PNCK: variants seen among roughly 807,000 people sequenced by gnomAD.
PNCK encodes pregnancy up-regulated nonubiquitous CaM kinase.
Under a neutral mutation model 28.3 loss-of-function variants are expected in PNCK, and 21 were observed. The ratio of observed to expected loss-of-function variants is 0.74; its 90% CI spans 0.53 to 1.07. The LOEUF is 1.07. Among genes scored for constraint, PNCK ranks in the 50% least tolerant of loss-of-function variants. PNCK has a pLI of 0.00. For missense variants in PNCK, 250 were observed against 298.3 expected, an observed-to-expected ratio of 0.84 and a Z score of 1.19; for synonymous variants, 136 against 125.2, an observed-to-expected ratio of 1.09 and a Z score of -0.58.
chrX:153,678,776 C>T (rs782244889), upstream of PNCK, among the ~76,000 whole-genome samples: 2 of 110,528 alleles, frequency 1.8e-5, no homozygotes, highest in South Asian at 3.9e-4. Context: ...CCCTGTGCTG[C>T]GCCTACCAAG....
Position 153,670,458 on chromosome X carries a change from C to T in PNCK, c.1031G>A (p.Ter344=), listed in dbSNP as rs1557039237. The change falls in exon 11 of 12, where the codon TGA becomes TAA. Residue 344 remains the stop codon, a stop_retained_variant. Coordinates refer to ENST00000340888, the MANE Select transcript of PNCK (RefSeq NM_001366977.1). ...GGTCCACCCAAACACACCTGGGCAT[C>T]ACCACTTGGGGGGCTGGCCAGCACG... ...GLRAGQPPKW[*] 8.3e-7 allele frequency: 1 copy of T among 1,211,663 alleles called. No homozygotes were observed. The highest frequency in any genetic ancestry group is 1.8e-5 in the South Asian group (1 of 56,978).
chrX:153,679,576 T>C (rs1251302576), upstream of PNCK, among the ~76,000 whole-genome samples: 1 of 93,151 alleles, frequency 1.1e-5, no homozygotes, highest in African/African-American at 4.0e-5. Flanking sequence ...CTTTTTTTTT[T>C]TTTTTTTTTT....
chrX:153,673,792 C>T lies in PNCK; in HGVS notation c.-15G>A. The T allele has an allele frequency of 1.3e-6, 1 of 750,082 alleles. No homozygotes were observed. The highest frequency in any genetic ancestry group is 2.3e-5 in the African/African-American group (1 of 43,504). The allele number at this position is 750,082 out of a possible 1,213,427, so 61.8% of individuals were successfully genotyped here. On this transcript the variant is annotated 5_prime_UTR_variant, in exon 1 of 12. Coordinates refer to ENST00000340888, the MANE Select transcript of PNCK (RefSeq NM_001366977.1). ...AGCAGGTGCAGACCTGGAGCGGGTGCCGCAGCGTCGTGCCGCGCAGTGGCC... is the reference window on the plus strand; with the variant it reads ...AGCAGGTGCAGACCTGGAGCGGGTGTCGCAGCGTCGTGCCGCGCAGTGGCC...
Position 153,669,757 on chromosome X carries a change from T to C in PNCK, c.*381A>G. ...ATTGCTGTATCTTTCTTTATTGGTT[T>C]GGGGAAAACTGGAGGGGGCTGGAAG... is the stretch of plus-strand genomic sequence containing the variant. On this transcript the variant is annotated 3_prime_UTR_variant, in exon 12 of 12. Coordinates refer to ENST00000340888, the MANE Select transcript of PNCK (RefSeq NM_001366977.1). 2.9e-6 allele frequency: 1 copy of C among 342,022 alleles called. No homozygotes were observed. Among genetic ancestry groups the C allele is most frequent in the East Asian group, 9.7e-5 (1 of 10,303 alleles). 28.2% of individuals were successfully genotyped at this position (342,022 alleles called of 1,213,427 possible).
chrX:153,685,482 C>T (rs781890468), intron 1 of PNCK, among the ~76,000 whole-genome samples: 2 of 111,825 alleles, frequency 1.8e-5, no homozygotes, highest in East Asian at 5.7e-4. Context: ...AGGCCCAGCT[C>T]GCCCTGGCTG....
At position 153,669,792 on chromosome X, in the gene PNCK, A is replaced by G. The variant is rs1223143679; in HGVS notation, c.*346T>C. The G allele has an allele frequency of 1.2e-5, 4 of 341,485 alleles. No homozygotes were observed. The highest frequency in any genetic ancestry group is 2.6e-5 in the African/African-American group (1 of 37,917). The allele number at this position is 341,485 out of a possible 1,213,427, so 28.1% of individuals were successfully genotyped here. The stretch of plus-strand genomic sequence containing the variant: ...TGGAGGGGGCTGGAAGGCCATGACC[A>G]TGACACAAGCAGGACCACCCACACT... On this transcript the variant is annotated 3_prime_UTR_variant, in exon 12 of 12. Coordinates refer to ENST00000340888, the MANE Select transcript of PNCK (RefSeq NM_001366977.1).
intron 1 of PNCK, among the ~76,000 whole-genome samples, chrX:153,683,453 T>G: frequency 1.4e-5 from 1 of 70,709 alleles, no homozygotes; most frequent in African/African-American, 1.5e-4. Context: ...AAGGCTAGGT[T>G]TTTTTTTTGA....
intron 1 of PNCK, chrX:153,686,548 G>C (rs2091420905): frequency 8.9e-6 from 1 of 112,360 alleles, no homozygotes; most frequent in Admixed American, 9.4e-5. Context: ...GTTTGCCTGT[G>C]GTCCAGCTGG....
chrX:153,677,369 G>A (rs965671012), upstream of PNCK, among the ~76,000 whole-genome samples: 1 of 109,815 alleles, frequency 9.1e-6, no homozygotes, highest in Non-Finnish European at 1.9e-5. Flanking sequence ...TTCCTGAACC[G>A]GTCCTAGAAG....
At chrX:153,679,571 T>C (rs6643762), upstream of PNCK, among the ~76,000 whole-genome samples, 69 of 69,972 alleles carry the variant, frequency 9.9e-4, 1 homozygote, top group Middle Eastern at 0.011. Flanking sequence ...CTTTTCTTTT[T>C]TTTTTTTTTT....
At chrX:153,683,838 A>G (rs1557042775) in intron 1 of PNCK, among the ~76,000 whole-genome samples, 1 of 111,951 alleles carries the variant, frequency 8.9e-6, no homozygotes, top group Non-Finnish European at 1.9e-5. Flanking sequence ...TCATAGGTCT[A>G]TGTGGTCCGG....
intron 5 of PNCK, 98 bp from the exon 6 acceptor site, chrX:153,671,770 C>A (rs950814949): frequency 1.7e-6 from 2 of 1,167,829 alleles, no homozygotes; most frequent in Non-Finnish European, 2.3e-6. Context: ...TTCCCCAGAG[C>A]CTTGGTGGAG....
chrX:153,672,985 TCA>T lies in PNCK; in HGVS notation c.68+22_68+23del, dbSNP rs782644886. ...CACACACACACACACACACACACGATCACACACGCGCGCGCACACTCACGAGC... is the reference window on the plus strand; with the variant it reads ...CACACACACACACACACACACACGATCACACGCGCGCGCACACTCACGAGC... On this transcript the variant is annotated intron_variant, in intron 2 of 11. Coordinates refer to ENST00000340888, the MANE Select transcript of PNCK (RefSeq NM_001366977.1). The T allele has an allele frequency of 2.1e-5, 24 of 1,144,659 alleles. No individual in the cohort carries two copies. In the South Asian group the frequency reaches 2.5e-4, roughly 12 times the overall value. The allele number at this position is 1,144,659 out of a possible 1,213,427, so 94.3% of individuals were successfully genotyped here. A position where few individuals can be genotyped will look rare whatever the true frequency, so the allele number is the denominator to read the frequency against.
upstream of PNCK, among the ~76,000 whole-genome samples, chrX:153,677,605 GTATA>G (rs782809766): frequency 1.6e-3 from 158 of 96,358 alleles, no homozygotes; most frequent in African/African-American, 6.2e-3. Context: ...TATATAGTGT[GTATA>G]TATATAGTGT....
upstream of PNCK, among the ~76,000 whole-genome samples, chrX:153,678,237 G>C (rs1370744162): frequency 1.8e-5 from 2 of 110,274 alleles, no homozygotes; most frequent in Non-Finnish European, 3.8e-5. Flanking sequence ...TGGATCATCT[G>C]AGATCTGGAG....
chrX:153,672,714 G>A lies in PNCK; in HGVS notation c.69-17C>T, dbSNP rs782030016. On this transcript the variant is annotated splice_polypyrimidine_tract_variant and intron_variant, in intron 2 of 11. Coordinates refer to ENST00000340888, the MANE Select transcript of PNCK (RefSeq NM_001366977.1). Reference sequence around the variant, plus strand: ...AAGGCACCCCTGCCGCAGACGGGGCGGTGGGAGGTGGGAAGGAAGTGGGAA... The same window carrying A: ...AAGGCACCCCTGCCGCAGACGGGGCAGTGGGAGGTGGGAAGGAAGTGGGAA... The A allele has an allele frequency of 2.1e-5, 25 of 1,187,393 alleles. No individual in the cohort carries two copies. In the East Asian group the frequency reaches 6.0e-4, roughly 29 times the overall value.
At chrX:153,673,101 A>G in intron 1 of PNCK, 23 bp from the exon 2 acceptor site, 1 of 1,174,613 alleles carries the variant, frequency 8.5e-7, no homozygotes, top group Non-Finnish European at 1.1e-6. Context: ...GGGAGAGGTG[A>G]TGGGGGTCTC....
At chrX:153,673,445 C>T in intron 1 of PNCK, 1 of 551,880 alleles carries the variant, frequency 1.8e-6, no homozygotes, top group Non-Finnish European at 2.7e-6. Context: ...CCACCCCCGC[C>T]TAGACCCGCC....
chrX:153,678,738 A>G (rs2091381202), upstream of PNCK, among the ~76,000 whole-genome samples: 1 of 111,262 alleles, frequency 9.0e-6, no homozygotes, highest in South Asian at 3.8e-4. Context: ...ACAGCATCAT[A>G]CAGAACAGTT....
Sources: allele counts gnomAD v4.1 joint callset (sites outside exome capture counted in the v4.1 genomes callset), GRCh38; gene constraint gnomAD v4.1.1; transcripts MANE v1.5; gene names NCBI Gene and HGNC (gene_info 2026-07-23, HGNC 2026-07-21).